CYP2C19: variants seen among roughly 807,000 people sequenced by gnomAD.
CYP2C19 encodes cytochrome P450 family 2 subfamily C member 19, also known as cytochrome P450 2C19.
A neutral mutation model predicts 40.9 loss-of-function variants in CYP2C19; 59 were observed. That is an observed-to-expected ratio of 1.44 (90% confidence interval 1.17 to 1.79). The LOEUF (loss-of-function observed/expected upper bound fraction) is 1.79, where lower values mean the gene tolerates loss of function less well. Ranked by LOEUF, CYP2C19 falls within the 40% of genes most tolerant of loss-of-function variation. The pLI is 0.00. For synonymous variants in CYP2C19, 253 were observed against 208.7 expected, an observed-to-expected ratio of 1.21 and a Z score of -1.83; for missense variants, 754 against 596.9, an observed-to-expected ratio of 1.26 and a Z score of -2.74.
chr10:94,847,705 C>G (rs192463311), intron 7 of CYP2C19, among the ~76,000 whole-genome samples: 1,665 of 152,150 alleles, frequency 0.011, 6 homozygotes, highest in Admixed American at 0.019. Context: ...CAGTGTAAAA[C>G]TGTTCCTATT....
chr10:94,840,517 A>G (rs891582389), intron 6 of CYP2C19, among the ~76,000 whole-genome samples: 1 of 152,156 alleles, frequency 6.6e-6, no homozygotes, highest in Non-Finnish European at 1.5e-5. Context: ...TGAAAGTCTG[A>G]AACATTAGTA....
At chr10:94,832,390 A>G (rs1490984207) in intron 6 of CYP2C19, among the ~76,000 whole-genome samples, 1 of 152,222 alleles carries the variant, frequency 6.6e-6, no homozygotes, top group African/African-American at 2.4e-5. Flanking sequence ...TTATAAAACC[A>G]TCAGATCTTG....
rs1252514266 is a variant in CYP2C19 at position 94,854,548 on chromosome 10, T to C, written c.*1634T>C. ...AAATAAGAAGTAACATAATTGATTA[T>C]GCTTTTCACAGCTCATCTCCTAGAA... On this transcript the variant is annotated 3_prime_UTR_variant, in exon 9 of 9. Coordinates refer to ENST00000371321, the MANE Select transcript of CYP2C19 (RefSeq NM_000769.4). 1.3e-5 allele frequency among the ~76,000 whole-genome samples: 2 copies of C among 152,042 alleles called. No individual in the cohort carries two copies. Among genetic ancestry groups the C allele is most frequent in the Non-Finnish European group, 2.9e-5 (2 of 68,012 alleles).
chr10:94,843,124 T>C (rs1361064516), intron 7 of CYP2C19, 100 bp downstream of exon 7: 2 of 1,430,332 alleles, frequency 1.4e-6, no homozygotes, highest in Non-Finnish European at 2.0e-6. Context: ...GAGAAGTGCA[T>C]TACTCCTATG....
At chr10:94,766,820 G>A (rs986075191) in intron 1 of CYP2C19, among the ~76,000 whole-genome samples, 3 of 151,962 alleles carry the variant, frequency 2.0e-5, no homozygotes, top group South Asian at 2.1e-4. Context: ...CAGGTGTGGC[G>A]AATCCAAGAT....
rs957855515 is a variant in CYP2C19, at chr10:94,817,075, G to A, written c.820-3421G>A. Among the ~76,000 whole-genome samples, 60 of 139,120 alleles carry A rather than the reference G, an allele frequency of 4.3e-4. 1 individual carries two copies. The highest frequency in any genetic ancestry group is 8.2e-4 in the Admixed American group (11 of 13,470). The allele number at this position is 139,120 out of a possible 152,430, so 91.3% of individuals were successfully genotyped here. A position where few individuals can be genotyped will look rare whatever the true frequency, so the allele number is the denominator to read the frequency against. The stretch of plus-strand genomic sequence containing the variant: ...TGTCTTTATAGCAGCATGATTTATA[G>A]TCCTTTGGGTATATACCCAGTAATG... On this transcript the variant is annotated intron_variant, in intron 5 of 8. Coordinates refer to ENST00000371321, the MANE Select transcript of CYP2C19 (RefSeq NM_000769.4).
intron 5 of CYP2C19, among the ~76,000 whole-genome samples, chr10:94,792,912 T>C (rs1848623309): frequency 6.6e-6 from 1 of 152,204 alleles, no homozygotes; most frequent in South Asian, 2.1e-4. Context: ...TCTTGCTAGG[T>C]TGGGGAAGTT....
chr10:94,818,367 A>C (rs1849046783), intron 5 of CYP2C19, among the ~76,000 whole-genome samples: 3 of 151,896 alleles, frequency 2.0e-5, no homozygotes, highest in African/African-American at 7.3e-5. Context: ...TGACTTGATG[A>C]TGCGGGCTCT....
chr10:94,794,566 T>C (rs1848656058), intron 5 of CYP2C19, among the ~76,000 whole-genome samples: 1 of 152,182 alleles, frequency 6.6e-6, no homozygotes, highest in South Asian at 2.1e-4. Flanking sequence ...CTTTGTGTCC[T>C]CTTTTATTTT....
intron 5 of CYP2C19, among the ~76,000 whole-genome samples, chr10:94,795,845 G>A (rs1264383306): frequency 6.6e-6 from 1 of 150,498 alleles, no homozygotes; most frequent in Non-Finnish European, 1.5e-5. Flanking sequence ...ACACTTTGAT[G>A]GGGTTTTTTT....
chr10:94,771,520 T>A (rs530423620), intron 1 of CYP2C19, among the ~76,000 whole-genome samples: 1 of 152,086 alleles, frequency 6.6e-6, no homozygotes, highest in African/African-American at 2.4e-5. Context: ...TTTTTCCCCA[T>A]CAGAGAGAGA....
rs1848463678 is a variant in CYP2C19, at chr10:94,780,356, A to G, written c.482-143A>G. ...TAAAAGTGATGTGTTGATTTTATGC[A>G]TGCCAAACTCTTTTTTGCTTTTAAG... On this transcript the variant is annotated intron_variant, in intron 3 of 8. Transcript: ENST00000371321. The G allele has an allele frequency of 4.8e-6, 5 of 1,037,332 alleles. No individual in the cohort carries two copies. In the Admixed American group the frequency reaches 1.4e-4, roughly 29 times the overall value. The allele number at this position is 1,037,332 out of a possible 1,614,324, so 64.3% of individuals were successfully genotyped here. A position where few individuals can be genotyped will look rare whatever the true frequency, so the allele number is the denominator to read the frequency against.
chr10:94,805,700 A>G (rs919913158), intron 5 of CYP2C19, among the ~76,000 whole-genome samples: 6 of 152,182 alleles, frequency 3.9e-5, no homozygotes, highest in Non-Finnish European at 8.8e-5. Flanking sequence ...CCTGGGCAAC[A>G]TGGTGAAACC....
intron 5 of CYP2C19, among the ~76,000 whole-genome samples, chr10:94,794,307 C>G (rs1200667342): frequency 6.6e-6 from 1 of 152,060 alleles, no homozygotes; most frequent in Non-Finnish European, 1.5e-5. Flanking sequence ...CTTGTGCCTC[C>G]CAGGTGAGGC....
chr10:94,767,577 C>T (rs11596777), intron 1 of CYP2C19, among the ~76,000 whole-genome samples: 1 of 152,046 alleles, frequency 6.6e-6, no homozygotes, highest in Non-Finnish European at 1.5e-5. Flanking sequence ...TTTGTTCCCC[C>T]CAAAGGGGCC....
chr10:94,851,545 A>T (rs1240391421), intron 8 of CYP2C19, among the ~76,000 whole-genome samples: 1 of 152,162 alleles, frequency 6.6e-6, no homozygotes, highest in African/African-American at 2.4e-5. Context: ...TTCTTCTGCC[A>T]TATCAAAATA....
chr10:94,775,899 A>G (rs1848401525), intron 3 of CYP2C19: 1 of 307,256 alleles, frequency 3.3e-6, no homozygotes, highest in South Asian at 3.7e-5. Flanking sequence ...ACCAGAGAAT[A>G]CTTGACAAGT....
intron 5 of CYP2C19, among the ~76,000 whole-genome samples, chr10:94,811,613 T>C (rs1025324542): frequency 1.3e-5 from 2 of 152,196 alleles, no homozygotes; most frequent in Admixed American, 1.3e-4. Flanking sequence ...TCTCGTTGCA[T>C]TGATCCCCTT....
intron 5 of CYP2C19, among the ~76,000 whole-genome samples, chr10:94,790,694 C>T (rs1848594075): frequency 6.6e-6 from 1 of 152,042 alleles, no homozygotes; most frequent in Non-Finnish European, 1.5e-5. Flanking sequence ...CGGGATGAAG[C>T]CAACTTGATC....
Sources: gnomAD v4.1 joint callset for allele counts (sites outside exome capture counted in the v4.1 genomes callset) on GRCh38, gnomAD v4.1.1 for gene constraint, MANE v1.5 for transcripts, NCBI Gene and HGNC (gene_info 2026-07-23, HGNC 2026-07-21) for gene names.